Variants in ANKMY1 observed in about 807,000 individuals in gnomAD.
ANKMY1 encodes the protein ankyrin repeat and MYND domain-containing protein 1.
ANKMY1 carries 98 observed loss-of-function variants against 102.0 expected under a neutral mutation model. That is an observed-to-expected ratio of 0.96 (90% CI 0.82 to 1.14). The LOEUF (loss-of-function observed/expected upper bound fraction) is 1.14. ANKMY1 is among the 50% of genes most tolerant of loss of function. The pLI is 0.00. For missense variants in ANKMY1, 1,330 were observed against 1,347.6 expected, an observed-to-expected ratio of 0.99 and a Z score of 0.20; for synonymous variants, 582 against 559.9, an observed-to-expected ratio of 1.04 and a Z score of -0.56.
intron 8 of ANKMY1, among the ~76,000 whole-genome samples, chr2:240,521,168 G>A (rs1031978938): frequency 4.6e-5 from 7 of 152,178 alleles, no homozygotes; most frequent in South Asian, 2.1e-4. Context: ...AGATGGCAGC[G>A]GGAATGACCA....
chr2:240,560,863 C>CGCCCGGCGTGGCAGAGCTGCGCGT (rs1209002634), upstream of ANKMY1: 14 of 1,357,990 alleles, frequency 1.0e-5, no homozygotes, highest in Admixed American at 3.5e-5. Flanking sequence ...GGCCCGCGCG[C>CGCCCGGCGTGGCAGAGCTGCGCGT]GCCCGGCGTG....
the ANKMY1 span, among the ~76,000 whole-genome samples, chr2:240,473,698 T>C: frequency 6.6e-6 from 1 of 152,164 alleles, no homozygotes; most frequent in Non-Finnish European, 1.5e-5. Context: ...TATATGTTGA[T>C]GCAAGGTTCA....
chr2:240,553,311 A>T, intron 3 of ANKMY1: 1 of 499,718 alleles, frequency 2.0e-6, no homozygotes, highest in Non-Finnish European at 3.6e-6. Context: ...GAGGCTTAAA[A>T]CTACCTAGAC....
chr2:240,524,876 T>C (rs1339670861), intron 7 of ANKMY1, among the ~76,000 whole-genome samples: 1 of 152,230 alleles, frequency 6.6e-6, no homozygotes, highest in African/African-American at 2.4e-5. Flanking sequence ...CTGGATCTGT[T>C]TGTGTTTTGA....
chr2:240,549,817 T>C (rs1224713525), intron 4 of ANKMY1, among the ~76,000 whole-genome samples: 9 of 152,094 alleles, frequency 5.9e-5, no homozygotes, highest in Non-Finnish European at 8.8e-5. Context: ...CACAATGAGA[T>C]ACCATCTCAC....
intron 4 of ANKMY1, among the ~76,000 whole-genome samples, chr2:240,531,633 A>G (rs1442512119): frequency 6.6e-6 from 1 of 152,200 alleles, no homozygotes; most frequent in Non-Finnish European, 1.5e-5. Context: ...CAAACATAAA[A>G]TACTACACCC....
intron 4 of ANKMY1, among the ~76,000 whole-genome samples, chr2:240,542,351 A>G (rs1029571617): frequency 6.6e-6 from 1 of 151,902 alleles, no homozygotes; most frequent in African/African-American, 2.4e-5. Flanking sequence ...CTAAAAATAC[A>G]AAAATTAGCC....
At chr2:240,508,759 GATGA>G (rs71049505) in intron 12 of ANKMY1, among the ~76,000 whole-genome samples, 84,101 of 151,174 alleles carry the variant, frequency 0.56, 24,253 homozygotes, top group East Asian at 0.93. Flanking sequence ...ATGATAGATG[GATGA>G]ATGAATGAAT....
intron 9 of ANKMY1, among the ~76,000 whole-genome samples, chr2:240,519,410 C>T (rs902377733): frequency 6.6e-6 from 1 of 152,224 alleles, no homozygotes; most frequent in African/African-American, 2.4e-5. Context: ...CAGGAAACGC[C>T]GCAGTGAGCC....
rs756634040 is a variant in ANKMY1 at position 240,557,242 on chromosome 2, G to A, written c.94C>T (p.Pro32Ser). 6.3e-7 allele frequency: 1 copy of A among 1,593,968 alleles called. No homozygotes were observed. Among genetic ancestry groups the A allele is most frequent in the Non-Finnish European group, 8.6e-7 (1 of 1,169,500 alleles). The change falls in exon 2 of 18, where the codon CCT becomes TCT. Residue 32 changes from proline (P) to serine (S), a missense_variant. Physicochemically the swap from Pro to Ser is moderately conservative, Grantham distance 74 (BLOSUM62 -1). Transcript: ENST00000401804. ...AGGGACCCCGGCTCCTCGGCAGCAG[G>A]GGTCTCGCCGCCCTTCCCCTCTAGC... ...RPLEGKGGETPAAEEPGSLKN... is the reference protein window; with the variant it reads ...RPLEGKGGETSAAEEPGSLKN...
At chr2:240,481,865 G>A (rs990235342) in intron 16 of ANKMY1, among the ~76,000 whole-genome samples, 9 of 152,116 alleles carry the variant, frequency 5.9e-5, no homozygotes, top group African/African-American at 1.9e-4. Flanking sequence ...CCCACTCAGC[G>A]GCCGTCTCTG....
chr2:240,514,658 A>T (rs966600636), intron 9 of ANKMY1, among the ~76,000 whole-genome samples: 5 of 152,224 alleles, frequency 3.3e-5, no homozygotes, highest in African/African-American at 1.2e-4. Flanking sequence ...CTCTGCAGAG[A>T]GCACAGAAGG....
At chr2:240,484,283 G>A (rs988726584) in intron 15 of ANKMY1, among the ~76,000 whole-genome samples, 7 of 152,210 alleles carry the variant, frequency 4.6e-5, no homozygotes, top group South Asian at 4.2e-4. Context: ...GAGGCATTAC[G>A]CTACCTGACT....
chr2:240,505,217 T>C (rs982042062), intron 13 of ANKMY1, among the ~76,000 whole-genome samples: 1 of 151,838 alleles, frequency 6.6e-6, no homozygotes, highest in Non-Finnish European at 1.5e-5. Flanking sequence ...ATCCCAGCAC[T>C]TTGGGAGGCT....
chr2:240,523,737 C>G, intron 8 of ANKMY1, 148 bp downstream of exon 8: 1 of 1,318,062 alleles, frequency 7.6e-7, no homozygotes, highest in South Asian at 1.5e-5. Flanking sequence ...GGCGTGGAGC[C>G]ACCGACACAG....
At chr2:240,543,612 T>G (rs936480891) in intron 4 of ANKMY1, among the ~76,000 whole-genome samples, 4 of 152,134 alleles carry the variant, frequency 2.6e-5, no homozygotes, top group African/African-American at 7.2e-5. Flanking sequence ...AATACCCATG[T>G]AGTTAACTTT....
chr2:240,531,351 T>C (rs899152921), intron 4 of ANKMY1, among the ~76,000 whole-genome samples: 1 of 152,214 alleles, frequency 6.6e-6, no homozygotes, highest in Non-Finnish European at 1.5e-5. Flanking sequence ...AAATGTACCA[T>C]ACACTTACTG....
chr2:240,525,758 A>C lies in ANKMY1; in HGVS notation c.1262T>G (p.Met421Arg). 1 of 1,614,120 alleles carries C rather than the reference A, an allele frequency of 6.2e-7. No homozygotes were observed. The highest frequency in any genetic ancestry group is 8.5e-7 in the Non-Finnish European group (1 of 1,180,008). ...CSDEGLTALS[M>R]CFLLHYPAQS... ...GGCGGGGTAGTGGAGGAGGAAACAC[A>C]TGCTGAGTGCCGTGAGACCCTCATC... Residue 421 changes from methionine (M) to arginine (R), a missense_variant, in exon 7 of 18, where the codon ATG becomes AGG. Transcript: ENST00000401804.
intron 2 of ANKMY1, among the ~76,000 whole-genome samples, chr2:240,556,530 G>A (rs2092365033): frequency 6.6e-6 from 1 of 152,024 alleles, no homozygotes; most frequent in Admixed American, 6.6e-5. Context: ...ATGACACACT[G>A]CCACCCTTTC....
Sources: allele counts gnomAD v4.1 joint callset (sites outside exome capture counted in the v4.1 genomes callset), GRCh38; gene constraint gnomAD v4.1.1; transcripts MANE v1.5; gene names NCBI Gene and HGNC (gene_info 2026-07-23, HGNC 2026-07-21).